SAMSN1: variants seen among roughly 807,000 people sequenced by gnomAD.
SAMSN1 encodes the protein SAM domain-containing protein SAMSN-1.
A neutral mutation model predicts 42.0 loss-of-function variants in SAMSN1; 31 were observed. That is an observed-to-expected ratio of 0.74 (90% CI 0.55 to 1.00). The LOEUF is 1.00. SAMSN1 is among the 50% of genes least tolerant of loss of function. The probability of loss-of-function intolerance (pLI) is 0.00; values close to 1 mark genes in which losing one functional copy is unlikely to be tolerated. For missense variants in SAMSN1, 464 were observed against 439.4 expected, an observed-to-expected ratio of 1.06 and a Z score of -0.50; for synonymous variants, 178 against 151.9, an observed-to-expected ratio of 1.17 and a Z score of -1.26.
At chr21:14,611,885 T>G (rs528401500) in intron 4 of SAMSN1, among the ~76,000 whole-genome samples, 1 of 152,258 alleles carries the variant, frequency 6.6e-6, no homozygotes, top group South Asian at 2.1e-4. Flanking sequence ...CTGACTCCTC[T>G]GCTGGGGAGA....
intron 7 of SAMSN1, among the ~76,000 whole-genome samples, chr21:14,488,415 A>G (rs1347697256): frequency 6.6e-6 from 1 of 152,184 alleles, no homozygotes; most frequent in Non-Finnish European, 1.5e-5. Flanking sequence ...GGCTCTCTTC[A>G]GGATATGAAG....
upstream of SAMSN1, chr21:14,583,789 C>G: frequency 1.4e-6 from 1 of 716,384 alleles, no homozygotes; most frequent in South Asian, 1.5e-5. Context: ...AGCACAAACA[C>G]AGCTCAAGGT....
At chr21:14,630,049 G>A (rs1365497071) in intron 2 of SAMSN1, among the ~76,000 whole-genome samples, 1 of 152,118 alleles carries the variant, frequency 6.6e-6, no homozygotes, top group East Asian at 1.9e-4. Context: ...TGAAACAAGA[G>A]CAAGCCAAGC....
chr21:14,557,074 C>A (rs778337947), intron 2 of SAMSN1, among the ~76,000 whole-genome samples: 8 of 152,144 alleles, frequency 5.3e-5, no homozygotes, highest in Non-Finnish European at 8.8e-5. Flanking sequence ...GTGGCCCCTG[C>A]AAGCAGTGAA....
chr21:14,581,344 C>CTGTTTTTTTT (rs1981714975), intron 2 of SAMSN1, among the ~76,000 whole-genome samples: 1 of 32,588 alleles, frequency 3.1e-5, no homozygotes, highest in Admixed American at 6.1e-4. Context: ...AATAATATTT[C>CTGTTTTTTTT]TTTTTTTTTT....
chr21:14,498,376 TA>T, intron 7 of SAMSN1, 65 bp downstream of exon 7: 1 of 1,363,712 alleles, frequency 7.3e-7, no homozygotes, highest in Non-Finnish European at 1.0e-6. Flanking sequence ...GCTTTGTTTC[TA>T]ATGATTATAC....
chr21:14,640,294 C>T (rs1171263428), intron 2 of SAMSN1, among the ~76,000 whole-genome samples: 3 of 152,218 alleles, frequency 2.0e-5, no homozygotes, highest in Admixed American at 6.5e-5. Flanking sequence ...TAGTTTCCTC[C>T]GTAACAAATA....
intron 2 of SAMSN1, among the ~76,000 whole-genome samples, chr21:14,581,681 A>C (rs1438791741): frequency 6.6e-6 from 1 of 151,902 alleles, no homozygotes; most frequent in Non-Finnish European, 1.5e-5. Context: ...TTCTTAAGGT[A>C]ATATTTCATA....
At chr21:14,523,594 A>G (rs187636922) in intron 1 of SAMSN1, among the ~76,000 whole-genome samples, 2 of 152,316 alleles carry the variant, frequency 1.3e-5, no homozygotes, top group African/African-American at 2.4e-5. Flanking sequence ...TCCTGCTTAT[A>G]AACAATCTGA....
At position 14,521,120 on chromosome 21, in the gene SAMSN1, A is replaced by G. The variant is rs74916725; in HGVS notation, c.129+30T>C. The G allele has an allele frequency of 1.4e-4, 186 of 1,358,276 alleles. No homozygotes were observed. In the African/African-American group the frequency reaches 2.6e-3, roughly 19 times the overall value. 84.1% of individuals were successfully genotyped at this position (1,358,276 alleles called of 1,614,324 possible). A position where few individuals can be genotyped will look rare whatever the true frequency, so the allele number is the denominator to read the frequency against. On this transcript the variant is annotated intron_variant, in intron 2 of 7. Coordinates refer to ENST00000400566, the MANE Select transcript of SAMSN1 (RefSeq NM_022136.5). ...TAATATTTCATAATGTGTTTGCATA[A>G]CATTCATAAAAATGGAATAAACTAC...
At chr21:14,589,855 A>G (rs891163375) in intron 7 of SAMSN1, among the ~76,000 whole-genome samples, 2 of 152,184 alleles carry the variant, frequency 1.3e-5, no homozygotes, top group African/African-American at 4.8e-5. Context: ...CTCTAGTGTC[A>G]TATTTAACAA....
At position 14,582,658 on chromosome 21, in the gene SAMSN1, G is replaced by T. The variant is rs145577553; in HGVS notation, c.-92-170C>A. 2.6e-3 allele frequency among the ~76,000 whole-genome samples: 391 copies of T among 152,030 alleles called. 2 individuals carry two copies. The highest frequency in any genetic ancestry group is 8.9e-3 in the African/African-American group (369 of 41,496). ...ATTTATTTAAAAAGCAAGTTATTTT[G>T]CTATATAAAATTTTTTGTTTTGTAA... On this transcript the variant is annotated intron_variant, in intron 1 of 8. Coordinates refer to the SAMSN1 transcript ENST00000285670.
At chr21:14,656,110 A>G (rs1243312146) in intron 1 of SAMSN1, among the ~76,000 whole-genome samples, 1 of 151,862 alleles carries the variant, frequency 6.6e-6, no homozygotes, top group Non-Finnish European at 1.5e-5. Context: ...GAAAAGACCT[A>G]GCACCATAAT....
chr21:14,621,231 G>A (rs1317436249), intron 2 of SAMSN1, among the ~76,000 whole-genome samples: 1 of 152,220 alleles, frequency 6.6e-6, no homozygotes, highest in African/African-American at 2.4e-5. Flanking sequence ...CCCAGCATGA[G>A]TGACACAGAA....
At position 14,569,718 on chromosome 21, in the gene SAMSN1, G is replaced by A. The variant is rs145232123; in HGVS notation, c.261+12418C>T. Among the ~76,000 whole-genome samples, 666 of 152,208 alleles carry A rather than the reference G, an allele frequency of 4.4e-3. 7 individuals carry two copies. Among genetic ancestry groups the A allele is most frequent in the African/African-American group, 0.015 (641 of 41,514 alleles). ...AAACACAAAGAATATTGTTTTAACT[G>A]GAAGTTCTATCATTAACTGCTACAA... is the stretch of plus-strand genomic sequence containing the variant. On this transcript the variant is annotated intron_variant, in intron 2 of 8. Coordinates refer to the SAMSN1 transcript ENST00000285670.
intron 2 of SAMSN1, among the ~76,000 whole-genome samples, chr21:14,619,066 TC>T (rs1171234482): frequency 3.9e-5 from 6 of 152,184 alleles, no homozygotes; most frequent in Non-Finnish European, 5.9e-5. Context: ...GCAAAGCACT[TC>T]CGTATATAAA....
chr21:14,570,392 A>G (rs1045941177), intron 2 of SAMSN1, among the ~76,000 whole-genome samples: 2 of 152,190 alleles, frequency 1.3e-5, no homozygotes, highest in Non-Finnish European at 2.9e-5. Context: ...CCTATGTCCA[A>G]GTGGAATCAG....
At position 14,489,495 on chromosome 21, in the gene SAMSN1, A is replaced by G. The variant is rs150497755; in HGVS notation, c.920-3381T>C. Among the ~76,000 whole-genome samples the G allele has an allele frequency of 3.0e-3, 458 of 152,316 alleles. 2 individuals are homozygous for G. Among genetic ancestry groups the G allele is most frequent in the African/African-American group, 8.4e-3 (348 of 41,560 alleles). On this transcript the variant is annotated intron_variant, in intron 7 of 7. Transcript: ENST00000400566. Reference sequence around the variant, plus strand: ...TTTTTAATGAAAGAATTAAAACGGTATAATTTTTCAATAAAGCCCCCAAAT... The same window carrying G: ...TTTTTAATGAAAGAATTAAAACGGTGTAATTTTTCAATAAAGCCCCCAAAT...
intron 5 of SAMSN1, among the ~76,000 whole-genome samples, chr21:14,507,125 C>T (rs1241611600): frequency 6.6e-6 from 1 of 152,128 alleles, no homozygotes; most frequent in African/African-American, 2.4e-5. Context: ...CCTTTGAGAA[C>T]TGGAACAAGA....
Sources: gnomAD v4.1 joint callset for allele counts (sites outside exome capture counted in the v4.1 genomes callset) on GRCh38, gnomAD v4.1.1 for gene constraint, MANE v1.5 for transcripts, NCBI Gene and HGNC (gene_info 2026-07-23, HGNC 2026-07-21) for gene names.